MIA3: variants seen among roughly 807,000 people sequenced by gnomAD.
The protein encoded by MIA3 is transport and Golgi organization protein 1 homolog.
A neutral mutation model predicts 192.4 loss-of-function variants in MIA3; 90 were observed. The observed-to-expected ratio is 0.47, with a 90% CI of 0.39 to 0.56. The LOEUF is 0.56. Ranked by LOEUF, MIA3 falls within the 20% of genes least tolerant of loss-of-function variation. The pLI, the probability that MIA3 is intolerant of heterozygous loss-of-function variation, is 0.00. For synonymous variants in MIA3, 740 were observed against 792.8 expected, an observed-to-expected ratio of 0.93 and a Z score of 1.12; for missense variants, 2,123 against 2,269.4, an observed-to-expected ratio of 0.94 and a Z score of 1.31.
intron 6 of MIA3, among the ~76,000 whole-genome samples, chr1:222,645,158 C>A (rs947812653): frequency 6.6e-6 from 1 of 152,190 alleles, no homozygotes; most frequent in South Asian, 2.1e-4. Flanking sequence ...TATTTGCAGC[C>A]ATAAAAAGTT....
At chr1:222,621,378 G>A (rs1465614421) in intron 2 of MIA3, 86 bp downstream of exon 2, 1 of 1,315,282 alleles carries the variant, frequency 7.6e-7, no homozygotes, top group Non-Finnish European at 1.1e-6. Flanking sequence ...ATTTTCTTGG[G>A]ACCTTTGATG....
At chr1:222,644,126 C>A (rs1015736764) in intron 6 of MIA3, among the ~76,000 whole-genome samples, 29 of 152,298 alleles carry the variant, frequency 1.9e-4, no homozygotes, top group African/African-American at 6.7e-4. Flanking sequence ...CTCTTTAAGT[C>A]GCCGGTTCCT....
chr1:222,627,477 A>C, intron 3 of MIA3, 98 bp from the exon 4 acceptor site: 1 of 1,093,838 alleles, frequency 9.1e-7, no homozygotes, highest in Non-Finnish European at 1.3e-6. Flanking sequence ...TCTAGAGCCA[A>C]ACGTGAATTC....
At chr1:222,656,189 G>A (rs185324147) in intron 18 of MIA3, among the ~76,000 whole-genome samples, 2 of 151,782 alleles carry the variant, frequency 1.3e-5, no homozygotes, top group East Asian at 1.9e-4. Flanking sequence ...AGCCAGGATG[G>A]TCTCAATCTC....
chr1:222,648,774 T>C, intron 7 of MIA3, 55 bp from the exon 8 acceptor site: 1 of 983,514 alleles, frequency 1.0e-6, no homozygotes, highest in Non-Finnish European at 1.6e-6. Context: ...AGAAACTATA[T>C]ACATCTATTA....
At chr1:222,648,983 C>G in intron 8 of MIA3, 133 bp downstream of exon 8, 1 of 602,776 alleles carries the variant, frequency 1.7e-6, no homozygotes, top group East Asian at 3.1e-5. Context: ...TTTACTGTTC[C>G]TAGGTTGCCA....
intron 17 of MIA3, 37 bp from the exon 18 acceptor site, chr1:222,654,618 G>A (rs1336025644): frequency 3.1e-6 from 5 of 1,606,816 alleles, no homozygotes; most frequent in Non-Finnish European, 4.3e-6. Flanking sequence ...AAGTTCTTGT[G>A]CACACATATG....
chr1:222,653,490 T>G, intron 15 of MIA3, 151 bp downstream of exon 15: 1 of 628,322 alleles, frequency 1.6e-6, no homozygotes, highest in Non-Finnish European at 2.9e-6. Flanking sequence ...TGGGCAGAGG[T>G]GGATTGCTAG....
chr1:222,629,426 G>A lies in MIA3; in HGVS notation c.2206G>A (p.Ala736Thr), dbSNP rs76866849. The A allele has an allele frequency of 1.2e-5, 19 of 1,614,154 alleles. No homozygotes were observed. The highest frequency in any genetic ancestry group is 1.7e-5 in the Admixed American group (1 of 60,028). The change falls in exon 4 of 28, where the codon GCT becomes ACT. Residue 736 changes from alanine to threonine, a missense_variant. Ala to Thr is a moderately conservative substitution (Grantham distance 58). Transcript: ENST00000344922. ...PSEELLEDEN[A>T]INAKRSKEKN... is the part of the protein sequence containing the mutation. The stretch of plus-strand genomic sequence containing the variant: ...TGAAGAACTACTAGAGGATGAAAAC[G>A]CTATAAATGCAAAACGGTCTAAAGA...
intron 26 of MIA3, 89 bp from the exon 27 acceptor site, chr1:222,663,909 G>C: frequency 1.6e-6 from 2 of 1,252,546 alleles, no homozygotes; most frequent in Non-Finnish European, 2.2e-6. Flanking sequence ...CCTGACATCT[G>C]CTTCATTGGG....
Position 222,628,688 on chromosome 1 carries a change from CAAG to C in MIA3, c.1472_1474del (p.Glu491del). On this transcript the variant is annotated inframe_deletion, in exon 4 of 28. Transcript: ENST00000344922. The stretch of plus-strand genomic sequence containing the variant: ...TAAGACAGAATTAGAGGATGAAAAT[CAAG>C]AAGGCATGACTGTGCACAGTTCTGT... The C allele has an allele frequency of 6.2e-7, 1 of 1,614,044 alleles. No individual in the cohort carries two copies. Among genetic ancestry groups the C allele is most frequent in the Non-Finnish European group, 8.5e-7 (1 of 1,180,000 alleles).
At chr1:222,654,216 A>G (rs1186769012) in intron 15 of MIA3, 27 bp from the exon 16 acceptor site, 2 of 1,605,342 alleles carry the variant, frequency 1.2e-6, no homozygotes, top group African/African-American at 2.7e-5. Flanking sequence ...AAGAAAAAGC[A>G]ATGAAAGAAA....
intron 6 of MIA3, among the ~76,000 whole-genome samples, chr1:222,640,798 TTA>T (rs1662820442): frequency 6.6e-6 from 1 of 152,198 alleles, no homozygotes; most frequent in Non-Finnish European, 1.5e-5. Flanking sequence ...AAACACACTG[TTA>T]TACAAACTAC....
At chr1:222,656,576 C>T (rs1216302056) in intron 18 of MIA3, among the ~76,000 whole-genome samples, 1 of 152,008 alleles carries the variant, frequency 6.6e-6, no homozygotes, top group African/African-American at 2.4e-5. Flanking sequence ...GTTTTGTCAT[C>T]ACCCTTCCAC....
chr1:222,665,155 C>T (rs1335794421), intron 27 of MIA3, 154 bp from the exon 28 acceptor site: 1 of 608,620 alleles, frequency 1.6e-6, no homozygotes. Flanking sequence ...GCCATGATCA[C>T]TCATTACACT....
chr1:222,658,470 CAT>C (rs1400293655), intron 18 of MIA3, among the ~76,000 whole-genome samples: 1 of 152,154 alleles, frequency 6.6e-6, no homozygotes, highest in Non-Finnish European at 1.5e-5. Flanking sequence ...GTCTTTGACA[CAT>C]AGTGTTTTTT....
intron 26 of MIA3, among the ~76,000 whole-genome samples, chr1:222,663,209 A>G (rs1457404558): frequency 6.6e-6 from 1 of 152,210 alleles, no homozygotes; most frequent in African/African-American, 2.4e-5. Flanking sequence ...TGTGTACATA[A>G]CATTGTTTCT....
chr1:222,637,010 G>T (rs1039053784), intron 6 of MIA3, among the ~76,000 whole-genome samples: 3 of 152,162 alleles, frequency 2.0e-5, no homozygotes, highest in Non-Finnish European at 4.4e-5. Flanking sequence ...TCTCTCAGGG[G>T]TCACAATTGT....
chr1:222,654,392 C>CA lies in MIA3; in HGVS notation c.4382dup (p.Thr1462AspfsTer7). 1 of 1,613,582 alleles carries CA rather than the reference C, an allele frequency of 6.2e-7. No homozygotes were observed. Among genetic ancestry groups the CA allele is most frequent in the Non-Finnish European group, 8.5e-7 (1 of 1,179,668 alleles). On this transcript the variant is annotated frameshift_variant, in exon 17 of 28. Coordinates refer to ENST00000344922, the MANE Select transcript of MIA3 (RefSeq NM_198551.4). LOFTEE classifies it high-confidence loss of function. ...TTGTCTCTTCTGCAATTTTTAGACA[C>CA]AGACTGCAATATCGGTAGTTGAAGA...
Sources: gnomAD v4.1 joint callset for allele counts (sites outside exome capture counted in the v4.1 genomes callset) on GRCh38, gnomAD v4.1.1 for gene constraint, MANE v1.5 for transcripts, NCBI Gene and HGNC (gene_info 2026-07-23, HGNC 2026-07-21) for gene names.